TBC1D4: variants seen among roughly 807,000 people sequenced by gnomAD.
TBC1D4 encodes TBC1 domain family member 4, also known as TBC (Tre-2, BUB2, CDC16) domain-containing protein.
In TBC1D4, 121 loss-of-function variants were observed where a neutral mutation model predicts 142.5. The observed-to-expected ratio is 0.85, with a 90% CI of 0.73 to 0.99. The LOEUF (loss-of-function observed/expected upper bound fraction) is 0.99. Ranked by LOEUF, TBC1D4 falls within the 50% of genes least tolerant of loss-of-function variation. The probability of loss-of-function intolerance (pLI) is 0.00; values close to 1 mark genes in which losing one functional copy is unlikely to be tolerated. For missense variants in TBC1D4, 1,475 were observed against 1,606.6 expected, an observed-to-expected ratio of 0.92 and a Z score of 1.40; for synonymous variants, 630 against 628.2, an observed-to-expected ratio of 1.00 and a Z score of -0.04.
intron 1 of TBC1D4, among the ~76,000 whole-genome samples, chr13:75,427,801 T>G (rs1467461257): frequency 6.6e-6 from 1 of 152,212 alleles, no homozygotes. Context: ...ACTGTTTAAG[T>G]GAAAACTCTT....
rs545372708 is a variant in TBC1D4, at chr13:75,421,621, G to C, written c.499-59014C>G. 2.0e-5 allele frequency among the ~76,000 whole-genome samples: 3 copies of C among 152,182 alleles called. No homozygotes were observed. The South Asian group carries it at 6.2e-4, about 32-fold the overall frequency. ...AATGATACTCTATTGGTTGTGTGTA[G>C]AGTCTTGGGAGAAAAACCTGAAATG... On this transcript the variant is annotated intron_variant, in intron 1 of 20. Coordinates refer to ENST00000377636, the MANE Select transcript of TBC1D4 (RefSeq NM_014832.5).
chr13:75,438,728 C>T (rs886630564), intron 1 of TBC1D4, among the ~76,000 whole-genome samples: 1 of 152,070 alleles, frequency 6.6e-6, no homozygotes, highest in Non-Finnish European at 1.5e-5. Flanking sequence ...TCGACCTCAA[C>T]GTCTATAGAT....
At chr13:75,402,362 A>G (rs1051881872) in intron 1 of TBC1D4, among the ~76,000 whole-genome samples, 1 of 152,192 alleles carries the variant, frequency 6.6e-6, no homozygotes, top group African/African-American at 2.4e-5. Flanking sequence ...TCATTCTTCT[A>G]TGCCGCAACT....
At chr13:75,341,096 A>C in intron 7 of TBC1D4, 29 bp downstream of exon 7, 6 of 1,575,532 alleles carry the variant, frequency 3.8e-6, no homozygotes, top group Non-Finnish European at 5.2e-6. Context: ...CAACAACAAA[A>C]GTAGGTGAAG....
intron 1 of TBC1D4, among the ~76,000 whole-genome samples, chr13:75,473,950 T>C (rs1888522052): frequency 6.6e-6 from 1 of 152,214 alleles, no homozygotes; most frequent in South Asian, 2.1e-4. Flanking sequence ...CCTAAAATTA[T>C]AATGGTTATA....
chr13:75,410,738 C>T lies in TBC1D4; in HGVS notation c.499-48131G>A, dbSNP rs572005963. ...GATCACGAGGTCAGGAGATCGAGAC[C>T]ATCCTGGCTAACACGGTGAAACCCC... On this transcript the variant is annotated intron_variant, in intron 1 of 20. Coordinates refer to ENST00000377636, the MANE Select transcript of TBC1D4 (RefSeq NM_014832.5). Among the ~76,000 whole-genome samples the T allele has an allele frequency of 3.2e-4, 49 of 151,708 alleles. 1 individual carries two copies. In the South Asian group the frequency reaches 9.8e-3, roughly 30 times the overall value.
At position 75,349,306 on chromosome 13, in the gene TBC1D4, C is replaced by G. The variant is rs764232412; in HGVS notation, c.1276-4G>C. ...GAGTCAGCATTACCTCATCAACCTA[C>G]AGGAAGAAACAAAACTCAGGTCTAT... is the stretch of plus-strand genomic sequence containing the variant. On this transcript the variant is annotated splice_polypyrimidine_tract_variant and splice_region_variant and intron_variant, in intron 4 of 20. Coordinates refer to ENST00000377636, the MANE Select transcript of TBC1D4 (RefSeq NM_014832.5). 1 of 1,613,606 alleles carries G rather than the reference C, an allele frequency of 6.2e-7. No homozygotes were observed. Among genetic ancestry groups the G allele is most frequent in the African/African-American group, 1.3e-5 (1 of 74,912 alleles).
intron 1 of TBC1D4, among the ~76,000 whole-genome samples, chr13:75,386,375 ATTTTCTTTTTCT>A (rs1413981476): frequency 8.8e-6 from 1 of 113,978 alleles, no homozygotes; most frequent in South Asian, 3.4e-4. Flanking sequence ...CAGATTTGCT[ATTTTCTTTTTCT>A]TTTTCTTTTT....
At chr13:75,427,243 G>A (rs968666927) in intron 1 of TBC1D4, among the ~76,000 whole-genome samples, 3 of 152,066 alleles carry the variant, frequency 2.0e-5, no homozygotes, top group African/African-American at 7.2e-5. Context: ...GCCCCTCACC[G>A]CGCCTGACTA....
intron 9 of TBC1D4, 81 bp downstream of exon 9, chr13:75,327,670 TA>T: frequency 2.4e-6 from 3 of 1,265,368 alleles, no homozygotes; most frequent in Non-Finnish European, 3.5e-6. Context: ...GCATTCATAA[TA>T]AAAAATGGAG....
rs372809806 is a variant in TBC1D4, at chr13:75,401,537, A to C, written c.499-38930T>G. ...CCTTCACAAAAGAACAGCACAACCTATTCTTTCCTATCAAGAATTATGTAC... is the reference window on the plus strand; with the variant it reads ...CCTTCACAAAAGAACAGCACAACCTCTTCTTTCCTATCAAGAATTATGTAC... On this transcript the variant is annotated intron_variant, in intron 1 of 20. Transcript: ENST00000377636. 3.9e-5 allele frequency among the ~76,000 whole-genome samples: 6 copies of C among 152,238 alleles called. No homozygotes were observed. The South Asian group carries it at 1.2e-3, about 31-fold the overall frequency.
intron 1 of TBC1D4, among the ~76,000 whole-genome samples, chr13:75,383,872 C>G (rs1486438074): frequency 6.6e-6 from 1 of 152,136 alleles, no homozygotes; most frequent in Admixed American, 6.6e-5. Context: ...GCTGAGCACT[C>G]ATTCTTACTT....
rs117469198 is a variant in TBC1D4 at position 75,423,100 on chromosome 13, A to T, written c.498+58170T>A. Among the ~76,000 whole-genome samples the T allele has an allele frequency of 5.1e-3, 772 of 152,334 alleles. 7 individuals carry two copies. The highest frequency in any genetic ancestry group is 6.9e-3 in the Non-Finnish European group (470 of 68,024). On this transcript the variant is annotated intron_variant, in intron 1 of 20. Coordinates refer to ENST00000377636, the MANE Select transcript of TBC1D4 (RefSeq NM_014832.5). ...TAATCTTAAGGGAAAAGTTTCCAAAAGCAACAACACTCTCAAAATTGGAAA... is the reference window on the plus strand; with the variant it reads ...TAATCTTAAGGGAAAAGTTTCCAAATGCAACAACACTCTCAAAATTGGAAA...
chr13:75,392,956 C>A (rs1467799889), intron 1 of TBC1D4, among the ~76,000 whole-genome samples: 1 of 152,034 alleles, frequency 6.6e-6, no homozygotes, highest in African/African-American at 2.4e-5. Context: ...CTCTGATTTA[C>A]AGTTATTCCT....
chr13:75,361,891 T>A (rs1882551795), intron 2 of TBC1D4, 135 bp downstream of exon 2: 4 of 1,076,932 alleles, frequency 3.7e-6, no homozygotes, highest in Admixed American at 4.2e-5. Flanking sequence ...ACCTGCCTTA[T>A]CTGCTTTGAA....
chr13:75,315,711 A>G (rs1046787901), intron 12 of TBC1D4, among the ~76,000 whole-genome samples: 2 of 152,206 alleles, frequency 1.3e-5, no homozygotes, highest in Admixed American at 1.3e-4. Context: ...TAAATGAAAT[A>G]TTAACTCAGA....
intron 5 of TBC1D4, among the ~76,000 whole-genome samples, chr13:75,345,867 C>G (rs917091998): frequency 3.3e-5 from 5 of 152,168 alleles, no homozygotes; most frequent in African/African-American, 4.8e-5. Flanking sequence ...CAGCTTCTGA[C>G]AAAGACTGCC....
intron 1 of TBC1D4, among the ~76,000 whole-genome samples, chr13:75,448,615 A>T (rs926555236): frequency 7.2e-5 from 11 of 151,784 alleles, no homozygotes; most frequent in African/African-American, 1.9e-4. Flanking sequence ...CACCATAAAA[A>T]AACTCCACTT....
chr13:75,299,816 T>C (rs1345559241), intron 16 of TBC1D4, among the ~76,000 whole-genome samples: 1 of 117,150 alleles, frequency 8.5e-6, no homozygotes, highest in Admixed American at 8.8e-5. Context: ...CCAGTACTTC[T>C]TTCCAGCAAA....
Sources: gnomAD v4.1 joint callset for allele counts (sites outside exome capture counted in the v4.1 genomes callset) on GRCh38, gnomAD v4.1.1 for gene constraint, MANE v1.5 for transcripts, NCBI Gene and HGNC (gene_info 2026-07-23, HGNC 2026-07-21) for gene names.